The following CSMD1 variants were observed in gnomAD, a reference collection of about 807,000 sequenced individuals.
The protein encoded by CSMD1 is CUB and sushi domain-containing protein 1.
In CSMD1, 213 loss-of-function variants were observed where a neutral mutation model predicts 417.5. The ratio of observed to expected loss-of-function variants is 0.51; its 90% CI spans 0.46 to 0.57. The LOEUF is 0.57. Ranked by LOEUF, CSMD1 falls within the 20% of genes least tolerant of loss-of-function variation. The probability of loss-of-function intolerance (pLI) is 0.00; values close to 1 mark genes in which losing one functional copy is unlikely to be tolerated. For synonymous variants in CSMD1, 2,862 were observed against 1,736.8 expected, an observed-to-expected ratio of 1.65 and a Z score of -16.11; for missense variants, 6,923 against 4,529.7, an observed-to-expected ratio of 1.53 and a Z score of -15.17.
At chr8:3,111,874 A>C (rs937609852) in intron 42 of CSMD1, among the ~76,000 whole-genome samples, 1 of 152,122 alleles carries the variant, frequency 6.6e-6, no homozygotes, top group Admixed American at 6.5e-5. Context: ...TGCTGTCCCC[A>C]TAACAAGCTA....
chr8:3,638,463 T>C (rs1268118186), intron 7 of CSMD1, among the ~76,000 whole-genome samples: 1 of 151,958 alleles, frequency 6.6e-6, no homozygotes. Flanking sequence ...ACACTGCCTC[T>C]GAAATTCTGA....
intron 3 of CSMD1, among the ~76,000 whole-genome samples, chr8:4,076,218 G>T (rs548251089): frequency 6.6e-6 from 1 of 152,070 alleles, no homozygotes; most frequent in Non-Finnish European, 1.5e-5. Flanking sequence ...TTTTAGAAGG[G>T]GCTTTTCCCC....
chr8:3,578,685 A>G (rs191118674), intron 9 of CSMD1, among the ~76,000 whole-genome samples: 1 of 152,132 alleles, frequency 6.6e-6, no homozygotes, highest in Admixed American at 6.5e-5. Flanking sequence ...TCATGCAAAG[A>G]ACCGATTGGG....
At chr8:4,060,619 C>G (rs1422668944) in intron 3 of CSMD1, among the ~76,000 whole-genome samples, 2 of 152,110 alleles carry the variant, frequency 1.3e-5, no homozygotes, top group Non-Finnish European at 2.9e-5. Flanking sequence ...GCCACCTTAG[C>G]GATGGGGCTA....
At chr8:4,275,683 G>T (rs951127768) in intron 3 of CSMD1, among the ~76,000 whole-genome samples, 10 of 152,116 alleles carry the variant, frequency 6.6e-5, no homozygotes, top group Admixed American at 5.9e-4. Context: ...GTTTTGCAAA[G>T]CTTGTTTTAG....
intron 52 of CSMD1, among the ~76,000 whole-genome samples, chr8:3,000,649 G>C (rs1435035321): frequency 5.9e-5 from 9 of 152,164 alleles, no homozygotes; most frequent in Non-Finnish European, 1.2e-4. Flanking sequence ...CTGAGTTATG[G>C]GTGAGCTGAT....
chr8:4,209,946 A>T (rs769864510), intron 3 of CSMD1, among the ~76,000 whole-genome samples: 15 of 152,176 alleles, frequency 9.9e-5, no homozygotes, highest in Non-Finnish European at 1.6e-4. Context: ...TGCTATGACA[A>T]TGGTAAACTG....
chr8:3,974,174 C>A (rs1813264455), intron 5 of CSMD1, among the ~76,000 whole-genome samples: 2 of 151,896 alleles, frequency 1.3e-5, no homozygotes, highest in Admixed American at 6.6e-5. Flanking sequence ...TCGCACACAC[C>A]CCCACAGTTT....
At chr8:3,945,162 T>A (rs1026905809) in intron 5 of CSMD1, among the ~76,000 whole-genome samples, 1 of 126,294 alleles carries the variant, frequency 7.9e-6, no homozygotes, top group Non-Finnish European at 1.6e-5. Flanking sequence ...TGCCAATAAT[T>A]TGACCATGAG....
chr8:4,634,691 G>A (rs1439648740), intron 2 of CSMD1, among the ~76,000 whole-genome samples: 1 of 152,122 alleles, frequency 6.6e-6, no homozygotes, highest in Non-Finnish European at 1.5e-5. Flanking sequence ...AAGGCATAAT[G>A]GGAAACGAAT....
At chr8:4,129,696 C>G (rs1045393970) in intron 3 of CSMD1, among the ~76,000 whole-genome samples, 9 of 152,046 alleles carry the variant, frequency 5.9e-5, no homozygotes, top group African/African-American at 2.2e-4. Context: ...TTTTGTTATA[C>G]AAGTCCATTT....
chr8:4,401,990 C>G (rs1020980792), intron 3 of CSMD1, among the ~76,000 whole-genome samples: 10 of 152,088 alleles, frequency 6.6e-5, no homozygotes, highest in African/African-American at 2.4e-5. Flanking sequence ...GCACCGGACT[C>G]CCTGCCACAT....
At chr8:3,657,995 A>C (rs1360785097) in intron 7 of CSMD1, among the ~76,000 whole-genome samples, 4 of 152,196 alleles carry the variant, frequency 2.6e-5, no homozygotes, top group African/African-American at 4.8e-5. Context: ...TATAAAGAGA[A>C]GTTTGGGATT....
intron 39 of CSMD1, among the ~76,000 whole-genome samples, chr8:3,153,013 C>A (rs578247605): frequency 6.6e-6 from 1 of 152,328 alleles, no homozygotes; most frequent in East Asian, 1.9e-4. Context: ...AAGGCTGAAA[C>A]GTACTGGGCT....
At chr8:4,453,436 C>T (rs919581233) in intron 2 of CSMD1, among the ~76,000 whole-genome samples, 6 of 152,120 alleles carry the variant, frequency 3.9e-5, no homozygotes, top group African/African-American at 9.7e-5. Flanking sequence ...GTTAGTCACC[C>T]GTGTGTTGGT....
chr8:4,680,962 G>GTC (rs1806005369), intron 1 of CSMD1, among the ~76,000 whole-genome samples: 1 of 116,568 alleles, frequency 8.6e-6, no homozygotes, highest in Non-Finnish European at 1.8e-5. Context: ...GTGTGTGTGT[G>GTC]TGTGTGTGTG....
At chr8:3,927,528 G>C (rs1809829246) in intron 5 of CSMD1, among the ~76,000 whole-genome samples, 1 of 150,006 alleles carries the variant, frequency 6.7e-6, no homozygotes. Flanking sequence ...AGCCAGCCGT[G>C]GTGGTGCATC....
At chr8:4,437,286 T>C (rs999714497) in intron 2 of CSMD1, among the ~76,000 whole-genome samples, 2 of 152,200 alleles carry the variant, frequency 1.3e-5, no homozygotes, top group Non-Finnish European at 2.9e-5. Context: ...TTTAAGTAAC[T>C]GAAATATGAT....
At chr8:4,172,810 C>T (rs907633290) in intron 3 of CSMD1, among the ~76,000 whole-genome samples, 2 of 152,124 alleles carry the variant, frequency 1.3e-5, no homozygotes, top group Admixed American at 1.3e-4. Context: ...CTTTAGGCAG[C>T]CCCTGGATAT....
Sources: gnomAD v4.1 joint callset for allele counts (sites outside exome capture counted in the v4.1 genomes callset) on GRCh38, gnomAD v4.1.1 for gene constraint, MANE v1.5 for transcripts, NCBI Gene and HGNC (gene_info 2026-07-23, HGNC 2026-07-21) for gene names.